Variants in IL3RA observed in about 807,000 individuals in gnomAD.
The protein encoded by IL3RA is interleukin-3 receptor subunit alpha.
In IL3RA, 73 loss-of-function variants were observed where a neutral mutation model predicts 52.3. The observed-to-expected ratio is 1.40, with a 90% confidence interval of 1.16 to 1.70. The LOEUF (loss-of-function observed/expected upper bound fraction) is 1.70. Ranked by LOEUF, IL3RA falls within the 40% of genes most tolerant of loss-of-function variation. The pLI, the probability that IL3RA is intolerant of heterozygous loss-of-function variation, is 0.00. For missense variants in IL3RA, 664 were observed against 504.4 expected (o/e 1.32, Z -3.03); for synonymous variants, 260 against 194.0 (o/e 1.34, Z -2.83).
Position 1,344,820 on chromosome X carries a change from G to A in IL3RA, c.65-496G>A, listed in dbSNP as rs778214692. 3.4e-3 allele frequency among the ~76,000 whole-genome samples: 516 copies of A among 151,096 alleles called. 5 individuals are homozygous for A. The highest frequency in any genetic ancestry group is 0.012 in the African/African-American group (481 of 41,224). On this transcript the variant is annotated intron_variant, in intron 2 of 11. Transcript: ENST00000331035. ...AAATAAAGAACTCGACCTCCCAAAG[G>A]TATTGGCTAACTCCACGGGCAAAAA...
chrX:1,367,623 G>T (rs2088219221), intron 9 of IL3RA, among the ~76,000 whole-genome samples: 1 of 105,888 alleles, frequency 9.4e-6, no homozygotes, highest in Non-Finnish European at 1.9e-5. Flanking sequence ...GGTGCGCGGG[G>T]TGAGCGGGGT....
chrX:1,347,043 GA>G, intron 3 of IL3RA, among the ~76,000 whole-genome samples: 1 of 149,710 alleles, frequency 6.7e-6, no homozygotes, highest in South Asian at 2.1e-4. Context: ...CACAAATGCT[GA>G]AAAAAAAACT....
At chrX:1,367,717 G>A (rs1377586321) in intron 9 of IL3RA, among the ~76,000 whole-genome samples, 1 of 124,340 alleles carries the variant, frequency 8.0e-6, no homozygotes, top group South Asian at 2.7e-4. Context: ...CGCGGGGTGA[G>A]CGGGGTGCGC....
intron 1 of IL3RA, among the ~76,000 whole-genome samples, chrX:1,339,796 AAAAACAAAAC>A (rs1320785755): frequency 1.3e-5 from 2 of 152,012 alleles, no homozygotes; most frequent in African/African-American, 4.8e-5. Flanking sequence ...CCATCTCAGA[AAAAACAAAAC>A]AAAACAAAAC....
At position 1,382,532 on chromosome X, in the gene IL3RA, C is replaced by T; in HGVS notation, c.*67C>T. The T allele has an allele frequency of 6.9e-7, 1 of 1,450,368 alleles. No individual in the cohort carries two copies. The highest frequency in any genetic ancestry group is 9.7e-7 in the Non-Finnish European group (1 of 1,031,008). The allele number at this position is 1,450,368 out of a possible 1,614,324, so 89.8% of individuals were successfully genotyped here. ...TGGCCGGGCCAGGCGCCTGCACAGA[C>T]TGGCTGCTGGACCTGCGCACGCAGC... On this transcript the variant is annotated 3_prime_UTR_variant, in exon 12 of 12. Coordinates refer to ENST00000331035, the MANE Select transcript of IL3RA (RefSeq NM_002183.4).
chrX:1,353,056 C>T (rs1569521744), intron 6 of IL3RA, among the ~76,000 whole-genome samples: 1 of 150,236 alleles, frequency 6.7e-6, no homozygotes, highest in South Asian at 2.1e-4. Context: ...ATGGGAACCC[C>T]CATCATGGGT....
chrX:1,361,755 GAAAAAA>G (rs1156722120), intron 8 of IL3RA, among the ~76,000 whole-genome samples: 1 of 81,766 alleles, frequency 1.2e-5, no homozygotes, highest in African/African-American at 4.9e-5. Context: ...TCCGTCTCGA[GAAAAAA>G]AAAAAAAAAA....
chrX:1,362,850 A>C (rs2087567233), intron 8 of IL3RA, among the ~76,000 whole-genome samples: 1 of 152,008 alleles, frequency 6.6e-6, no homozygotes, highest in African/African-American at 2.4e-5. Flanking sequence ...ATCTCAGCTC[A>C]CTGCAACCTC....
At chrX:1,355,195 T>A (rs1351263023) in intron 6 of IL3RA, among the ~76,000 whole-genome samples, 3 of 998 alleles carry the variant, frequency 3.0e-3, no homozygotes, top group African/African-American at 0.013. Flanking sequence ...GGGAGGAGGG[T>A]GGAGGGGGAG....
chrX:1,377,972 G>T (rs1413305460), intron 9 of IL3RA, among the ~76,000 whole-genome samples: 1 of 150,968 alleles, frequency 6.6e-6, no homozygotes, highest in Non-Finnish European at 1.5e-5. Flanking sequence ...GATCACTTGA[G>T]GTCAGGAGTT....
intron 2 of IL3RA, among the ~76,000 whole-genome samples, chrX:1,343,309 C>A (rs2085567070): frequency 6.6e-6 from 1 of 151,976 alleles, no homozygotes; most frequent in South Asian, 2.1e-4. Context: ...CAGAGATAAA[C>A]CCTAGAGAAA....
intron 9 of IL3RA, 72 bp from the exon 10 acceptor site, chrX:1,378,587 G>C (rs1378322262): frequency 7.5e-7 from 1 of 1,327,156 alleles, no homozygotes; most frequent in Admixed American, 1.9e-5. Flanking sequence ...CCAGGGCCCC[G>C]GGGAGAGCTT....
intron 7 of IL3RA, among the ~76,000 whole-genome samples, chrX:1,358,583 C>T (rs1308967250): frequency 1.3e-5 from 2 of 152,110 alleles, no homozygotes; most frequent in African/African-American, 2.4e-5. Flanking sequence ...CACTTGAATC[C>T]GGGAGGCGGA....
At chrX:1,380,365 C>T (rs1284285472) in intron 10 of IL3RA, among the ~76,000 whole-genome samples, 1 of 113,592 alleles carries the variant, frequency 8.8e-6, no homozygotes, top group Non-Finnish European at 1.7e-5. Flanking sequence ...CAGAGCTTCA[C>T]AATCTGTCAA....
intron 4 of IL3RA, 45 bp from the exon 5 acceptor site, chrX:1,352,055 G>A (rs753413620): frequency 1.4e-5 from 23 of 1,603,894 alleles, no homozygotes; most frequent in African/African-American, 5.3e-5. Context: ...GTGAGCCACC[G>A]CGCCCGGTCC....
intron 6 of IL3RA, among the ~76,000 whole-genome samples, chrX:1,353,715 G>A (rs1478460024): frequency 7.7e-6 from 1 of 130,382 alleles, no homozygotes; most frequent in Admixed American, 8.0e-5. Context: ...CCCCAATCAT[G>A]GGTTCCATCA....
chrX:1,342,688 G>C (rs1253853222), intron 2 of IL3RA, among the ~76,000 whole-genome samples: 3 of 149,232 alleles, frequency 2.0e-5, no homozygotes, highest in South Asian at 2.1e-4. Context: ...AGCCTCCCAA[G>C]CACCTGGGAT....
At chrX:1,346,900 A>G (rs1336284548) in intron 3 of IL3RA, among the ~76,000 whole-genome samples, 5 of 151,350 alleles carry the variant, frequency 3.3e-5, no homozygotes, top group Admixed American at 1.3e-4. Context: ...TCGGGCCACC[A>G]TTATAAAATC....
intron 2 of IL3RA, among the ~76,000 whole-genome samples, chrX:1,344,945 G>T: frequency 6.7e-6 from 1 of 149,714 alleles, no homozygotes; most frequent in Non-Finnish European, 1.5e-5. Flanking sequence ...GACGAATCAT[G>T]AGGTCAGGAG....
Sources: gnomAD v4.1 joint callset for allele counts (sites outside exome capture counted in the v4.1 genomes callset) on GRCh38, gnomAD v4.1.1 for gene constraint, MANE v1.5 for transcripts, NCBI Gene and HGNC (gene_info 2026-07-23, HGNC 2026-07-21) for gene names.